The following ARID5B variants were observed in gnomAD, a reference collection of about 807,000 sequenced individuals.
ARID5B encodes AT-rich interaction domain 5B, also known as AT-rich interactive domain-containing protein 5B.
Under a neutral mutation model 97.2 loss-of-function variants are expected in ARID5B, and 13 were observed. That is an observed-to-expected ratio of 0.13 (90% confidence interval 0.09 to 0.21). The LOEUF (loss-of-function observed/expected upper bound fraction) is 0.21. ARID5B is among the 10% of genes least tolerant of loss of function. The pLI is 1.00. For synonymous variants in ARID5B, 556 were observed against 570.3 expected, an observed-to-expected ratio of 0.97 and a Z score of 0.36; for missense variants, 1,210 against 1,465.3, an observed-to-expected ratio of 0.83 and a Z score of 2.84.
At chr10:61,919,037 C>A (rs1448424968) in intron 2 of ARID5B, among the ~76,000 whole-genome samples, 4 of 2,966 alleles carry the variant, frequency 1.3e-3, no homozygotes, top group African/African-American at 5.1e-3. Flanking sequence ...CTGACTCCGT[C>A]CCCCCCCCCC....
At chr10:61,965,345 G>A (rs889720859) in intron 3 of ARID5B, among the ~76,000 whole-genome samples, 3 of 152,074 alleles carry the variant, frequency 2.0e-5, no homozygotes, top group African/African-American at 7.2e-5. Flanking sequence ...AGAGAGAGGA[G>A]GATTTTAAAT....
intron 3 of ARID5B, among the ~76,000 whole-genome samples, chr10:61,957,310 C>T (rs972887328): frequency 2.0e-5 from 3 of 152,038 alleles, no homozygotes; most frequent in African/African-American, 7.3e-5. Flanking sequence ...TCTCTGTCGC[C>T]CAGGCTGGAG....
intron 2 of ARID5B, among the ~76,000 whole-genome samples, chr10:61,917,876 G>A (rs553673944): frequency 3.9e-5 from 6 of 152,276 alleles, no homozygotes; most frequent in African/African-American, 1.4e-4. Flanking sequence ...GGCTTGAGGA[G>A]GGAGGCAGGG....
rs549878661 is a variant in ARID5B, at chr10:61,953,144, G to A, written c.502+12736G>A. Among the ~76,000 whole-genome samples the A allele has an allele frequency of 3.4e-3, 510 of 152,182 alleles. 1 individual carries two copies. Among genetic ancestry groups the A allele is most frequent in the South Asian group, 9.1e-3 (44 of 4,816 alleles). Reference sequence around the variant, plus strand: ...TTCGCCTCCCTTAAAATGGTTGCTTGCTAATTATGGTGGAAGATATTCTCC... The same window carrying A: ...TTCGCCTCCCTTAAAATGGTTGCTTACTAATTATGGTGGAAGATATTCTCC... On this transcript the variant is annotated intron_variant, in intron 3 of 9. Transcript: ENST00000279873.
At chr10:62,069,416 C>A (rs1840033375) in intron 7 of ARID5B, among the ~76,000 whole-genome samples, 1 of 152,310 alleles carries the variant, frequency 6.6e-6, no homozygotes, top group South Asian at 2.1e-4. Flanking sequence ...AGTATGAGTC[C>A]TTGACAAACC....
rs1839326480 is a variant in ARID5B at position 62,019,462 on chromosome 10, A to G, written c.733+19141A>G. On this transcript the variant is annotated intron_variant, in intron 4 of 9. Coordinates refer to ENST00000279873, the MANE Select transcript of ARID5B (RefSeq NM_032199.3). Reference sequence around the variant, plus strand: ...GGACTCCTTTAACTTTTACAAAGTGACATAAAATATTGTTGAGGCATTTAT... The same window carrying G: ...GGACTCCTTTAACTTTTACAAAGTGGCATAAAATATTGTTGAGGCATTTAT... Among the ~76,000 whole-genome samples the G allele has an allele frequency of 7.9e-5, 12 of 152,370 alleles. 1 individual carries two copies. In the South Asian group the frequency reaches 2.3e-3, roughly 29 times the overall value.
At chr10:62,071,645 A>G (rs184169863) in intron 8 of ARID5B, among the ~76,000 whole-genome samples, 2 of 151,598 alleles carry the variant, frequency 1.3e-5, no homozygotes, top group Non-Finnish European at 2.9e-5. Flanking sequence ...GTCTGTGAAT[A>G]AAAGTAGGAT....
chr10:61,924,042 A>G (rs1395428221), intron 2 of ARID5B, among the ~76,000 whole-genome samples: 1 of 152,238 alleles, frequency 6.6e-6, no homozygotes, highest in Non-Finnish European at 1.5e-5. Context: ...CAGGATGCCT[A>G]GTAGTATGCA....
At chr10:62,024,510 T>C (rs760055116) in intron 4 of ARID5B, among the ~76,000 whole-genome samples, 1 of 152,216 alleles carries the variant, frequency 6.6e-6, no homozygotes, top group Non-Finnish European at 1.5e-5. Flanking sequence ...AAACCATTCA[T>C]CAAAGGATCA....
intron 3 of ARID5B, among the ~76,000 whole-genome samples, chr10:61,962,730 A>T (rs1838488639): frequency 6.6e-6 from 1 of 152,344 alleles, no homozygotes; most frequent in African/African-American, 2.4e-5. Context: ...TGACAGATGA[A>T]CTCCTAAAGT....
chr10:62,020,309 T>A (rs1589261064), intron 4 of ARID5B, among the ~76,000 whole-genome samples: 1 of 152,318 alleles, frequency 6.6e-6, no homozygotes, highest in Admixed American at 6.5e-5. Context: ...TCTTAACATA[T>A]AATTTCTTAA....
At position 61,940,160 on chromosome 10, in the gene ARID5B, T is replaced by G. The variant is rs200410749; in HGVS notation, c.277-23T>G. 8.1e-6 allele frequency: 13 copies of G among 1,611,802 alleles called. No homozygotes were observed. In the East Asian group the frequency reaches 1.6e-4, roughly 19 times the overall value. ...CAAACCTATAAATAACGTTTTTTGTTCTTCCCCAACCACCTCTTGTAGGAT... is the reference window on the plus strand; with the variant it reads ...CAAACCTATAAATAACGTTTTTTGTGCTTCCCCAACCACCTCTTGTAGGAT... On this transcript the variant is annotated intron_variant, in intron 2 of 9. Coordinates refer to ENST00000279873, the MANE Select transcript of ARID5B (RefSeq NM_032199.3).
intron 3 of ARID5B, among the ~76,000 whole-genome samples, chr10:61,967,252 T>A (rs1009806793): frequency 1.3e-5 from 2 of 152,200 alleles, no homozygotes; most frequent in African/African-American, 4.8e-5. Context: ...GAACCACTCT[T>A]ATTTGGATGT....
chr10:61,991,383 T>G (rs1195170362), intron 3 of ARID5B, among the ~76,000 whole-genome samples: 8 of 152,230 alleles, frequency 5.3e-5, no homozygotes, highest in Non-Finnish European at 1.0e-4. Context: ...ATTTTTATAA[T>G]AGTCATCCTA....
At chr10:61,923,266 G>A (rs1844048426) in intron 2 of ARID5B, among the ~76,000 whole-genome samples, 1 of 152,142 alleles carries the variant, frequency 6.6e-6, no homozygotes, top group African/African-American at 2.4e-5. Context: ...TCTTAACTTG[G>A]CTGCTTCCTT....
chr10:61,977,416 T>A (rs1838715591), intron 3 of ARID5B, among the ~76,000 whole-genome samples: 1 of 152,166 alleles, frequency 6.6e-6, no homozygotes. Flanking sequence ...AGTTCTAGAT[T>A]CTTGAGGAAT....
chr10:62,050,212 G>A (rs1406499918), intron 4 of ARID5B, among the ~76,000 whole-genome samples: 1 of 152,180 alleles, frequency 6.6e-6, no homozygotes, highest in Non-Finnish European at 1.5e-5. Flanking sequence ...TATTAAATAA[G>A]CCTTAAGATC....
At chr10:62,015,559 C>T (rs1440890200) in intron 4 of ARID5B, among the ~76,000 whole-genome samples, 1 of 152,172 alleles carries the variant, frequency 6.6e-6, no homozygotes, top group African/African-American at 2.4e-5. Flanking sequence ...AAACCGAGTA[C>T]ACTCTTCAAA....
At chr10:62,012,370 A>C (rs942880029) in intron 4 of ARID5B, among the ~76,000 whole-genome samples, 1 of 152,090 alleles carries the variant, frequency 6.6e-6, no homozygotes, top group Non-Finnish European at 1.5e-5. Context: ...AAAACAAAAC[A>C]AAAATTAGCC....
Sources: gnomAD v4.1 joint callset for allele counts (sites outside exome capture counted in the v4.1 genomes callset) on GRCh38, gnomAD v4.1.1 for gene constraint, MANE v1.5 for transcripts, NCBI Gene and HGNC (gene_info 2026-07-23, HGNC 2026-07-21) for gene names.